The following BBS1 variants were observed in gnomAD, a reference collection of about 807,000 sequenced individuals.
The protein encoded by BBS1 is BBSome complex member BBS1.
Under a neutral mutation model 73.9 loss-of-function variants are expected in BBS1, and 60 were observed. The observed-to-expected ratio is 0.81, with a 90% CI of 0.66 to 1.01. The LOEUF is 1.01. BBS1 is among the 50% of genes least tolerant of loss of function. The pLI, the probability that BBS1 is intolerant of heterozygous loss-of-function variation, is 0.00. For synonymous variants in BBS1, 283 were observed against 317.4 expected (o/e 0.89, Z 1.15); for missense variants, 718 against 770.3 (o/e 0.93, Z 0.80).
intron 9 of BBS1, chr11:66,522,793 A>G: frequency 3.9e-6 from 1 of 259,556 alleles, no homozygotes; most frequent in Admixed American, 5.2e-5. Flanking sequence ...GAAGAAACCA[A>G]GATGTTACTA....
At chr11:66,530,646 G>T (rs1280904997) in intron 14 of BBS1, among the ~76,000 whole-genome samples, 2 of 152,134 alleles carry the variant, frequency 1.3e-5, no homozygotes, top group Non-Finnish European at 2.9e-5. Flanking sequence ...AGGGGCTCAG[G>T]TGAGAGTCGG....
At chr11:66,515,037 T>C (rs894936736) in intron 4 of BBS1, among the ~76,000 whole-genome samples, 3 of 152,054 alleles carry the variant, frequency 2.0e-5, no homozygotes, top group African/African-American at 7.2e-5. Context: ...AGGCTGGTCT[T>C]GAACTCCTGG....
At chr11:66,514,284 C>A (rs1590756313) in intron 3 of BBS1, 122 bp from the exon 4 acceptor site, 2 of 1,366,442 alleles carry the variant, frequency 1.5e-6, no homozygotes, top group Non-Finnish European at 2.1e-6. Flanking sequence ...GCTTGAAAGC[C>A]TGAGGGCAAA....
rs1416681685 is a variant in BBS1, at chr11:66,533,119, T to C, written c.*1082T>C. 6.6e-6 allele frequency: 1 copy of C among 152,210 alleles called. No homozygotes were observed. The highest frequency in any genetic ancestry group is 1.9e-4 in the East Asian group (1 of 5,196). The allele number at this position is 152,210 out of a possible 1,614,324, so 9.4% of individuals were successfully genotyped here. On this transcript the variant is annotated 3_prime_UTR_variant, in exon 17 of 17. Coordinates refer to ENST00000318312, the MANE Select transcript of BBS1 (RefSeq NM_024649.5). ...TATGTACCTACCACTAAGAAATACA[T>C]GAACCGTGCCATGAGGACAGTAAGT...
At chr11:66,514,036 C>G (rs1856000768) in intron 3 of BBS1, among the ~76,000 whole-genome samples, 1 of 152,220 alleles carries the variant, frequency 6.6e-6, no homozygotes, top group Non-Finnish European at 1.5e-5. Context: ...TCCCCGTCCC[C>G]TCCCACACTG....
intron 13 of BBS1, chr11:66,529,316 AG>A (rs1157717943): frequency 6.5e-7 from 1 of 1,536,152 alleles, no homozygotes; most frequent in African/African-American, 1.4e-5. Flanking sequence ...CAGGACCATG[AG>A]GCTGGTTTCC....
chr11:66,526,933 C>G, intron 13 of BBS1, 126 bp downstream of exon 13: 1 of 1,596,570 alleles, frequency 6.3e-7, no homozygotes, highest in South Asian at 1.1e-5. Context: ...GTAGGTCACT[C>G]ACCTCTGCAA....
chr11:66,529,218 C>T, intron 13 of BBS1: 1 of 1,484,330 alleles, frequency 6.7e-7, no homozygotes, highest in Non-Finnish European at 8.9e-7. Context: ...CTGGAGGTGG[C>T]TTGGGGAAGA....
chr11:66,527,949 G>T (rs1163053986), intron 13 of BBS1, among the ~76,000 whole-genome samples: 1 of 152,154 alleles, frequency 6.6e-6, no homozygotes, highest in Non-Finnish European at 1.5e-5. Context: ...CAAGAAAGCA[G>T]GCCCGGTTCG....
intron 13 of BBS1, chr11:66,528,980 A>C: frequency 2.7e-6 from 2 of 736,378 alleles, no homozygotes; most frequent in Non-Finnish European, 3.3e-6. Context: ...AAAAAAAAAA[A>C]AAAAAAAAAG....
At chr11:66,531,097 A>T in intron 15 of BBS1, 69 bp downstream of exon 15, 1 of 1,593,892 alleles carries the variant, frequency 6.3e-7, no homozygotes, top group South Asian at 1.1e-5. Flanking sequence ...AGATGCCCAC[A>T]GAGCCCCGCC....
chr11:66,514,586 G>A lies in BBS1; in HGVS notation c.340G>A (p.Val114Met). 1.2e-6 allele frequency: 2 copies of A among 1,614,028 alleles called. No homozygotes were observed. The highest frequency in any genetic ancestry group is 3.3e-4 in the Middle Eastern group (2 of 6,060). Residue 114 changes from valine (V) to methionine (M), a missense_variant, in exon 4 of 17, where the codon GTG (valine) becomes ATG (methionine). By Grantham distance (21) the Val-to-Met change is conservative. Transcript: ENST00000318312. ...ACTTGCTTCAGGCCCTTGTGTCTAT[G>A]TGTATAAGAATCTCAGACCCTACTT... The part of the protein sequence containing the change: ...LALASGPCVY[V>M]YKNLRPYFKF...
At chr11:66,528,789 T>C (rs1438883812) in intron 13 of BBS1, among the ~76,000 whole-genome samples, 4 of 151,792 alleles carry the variant, frequency 2.6e-5, no homozygotes, top group African/African-American at 9.7e-5. Flanking sequence ...ACCAACATGG[T>C]GAAACCCCGT....
chr11:66,529,013 C>T, intron 13 of BBS1: 2 of 521,154 alleles, frequency 3.8e-6, no homozygotes, highest in Non-Finnish European at 4.9e-6. Context: ...ACCTTTTCTT[C>T]ATACCAGCCA....
intron 15 of BBS1, 120 bp from the exon 16 acceptor site, chr11:66,531,536 T>C: frequency 7.6e-7 from 1 of 1,314,336 alleles, no homozygotes; most frequent in Non-Finnish European, 1.1e-6. Context: ...ACCCAGCAGT[T>C]GTCCTGCCCA....
At position 66,533,576 on chromosome 11, in the gene BBS1, A is replaced by G. The variant is rs1293996019; in HGVS notation, c.*1539A>G. 6.6e-6 allele frequency: 1 copy of G among 152,256 alleles called. No homozygotes were observed. Among genetic ancestry groups the G allele is most frequent in the Non-Finnish European group, 1.5e-5 (1 of 68,048 alleles). The allele number at this position is 152,256 out of a possible 1,614,324, so 9.4% of individuals were successfully genotyped here. On this transcript the variant is annotated 3_prime_UTR_variant, in exon 17 of 17. Coordinates refer to ENST00000318312, the MANE Select transcript of BBS1 (RefSeq NM_024649.5). The stretch of plus-strand genomic sequence containing the variant: ...TAACTGCGGAGCCAAGAGTTGGACT[A>G]TAATTAAATTACCTTCCTTGTACTT...
rs77400778 is a variant in BBS1 at position 66,523,320 on chromosome 11, G to A, written c.831-136G>A. Reference sequence around the variant, plus strand: ...CACATTTACTAAGGTGGCAGAAGTGGAAATAATCCCAGGGTCATCTGCTTT... The same window carrying A: ...CACATTTACTAAGGTGGCAGAAGTGAAAATAATCCCAGGGTCATCTGCTTT... On this transcript the variant is annotated intron_variant, in intron 9 of 16. Transcript: ENST00000318312. 2.9e-3 allele frequency: 3,612 copies of A among 1,256,036 alleles called. 86 individuals carry two copies. In the African/African-American group the frequency reaches 0.048, roughly 17 times the overall value. The allele number at this position is 1,256,036 out of a possible 1,614,324, so 77.8% of individuals were successfully genotyped here. A position where few individuals can be genotyped will look rare whatever the true frequency, so the allele number is the denominator to read the frequency against.
intron 3 of BBS1, 98 bp from the exon 4 acceptor site, chr11:66,514,308 C>T (rs1311957748): frequency 1.3e-6 from 2 of 1,492,120 alleles, no homozygotes; most frequent in Admixed American, 1.7e-5. Flanking sequence ...TTTATTGGTG[C>T]AGGAATGAAT....
intron 7 of BBS1, 64 bp downstream of exon 7, chr11:66,515,997 AACATC>A: frequency 3.3e-6 from 5 of 1,518,936 alleles, no homozygotes; most frequent in Non-Finnish European, 4.6e-6. Context: ...AAGACCACTT[AACATC>A]AGTGGTAAAT....
Sources: allele counts gnomAD v4.1 joint callset (sites outside exome capture counted in the v4.1 genomes callset), GRCh38; gene constraint gnomAD v4.1.1; transcripts MANE v1.5; gene names NCBI Gene and HGNC (gene_info 2026-07-23, HGNC 2026-07-21).